Variants in FAM228B observed in about 807,000 individuals in gnomAD.
FAM228B encodes the protein protein FAM228B.
FAM228B carries 38 observed loss-of-function variants against 42.6 expected under a neutral mutation model. That is an observed-to-expected ratio of 0.89 (90% CI 0.69 to 1.17). FAM228B has a LOEUF of 1.17. Among genes scored for constraint, FAM228B ranks in the 50% most tolerant of loss-of-function variants. The pLI is 0.00. For missense variants in FAM228B, 344 were observed against 367.3 expected (o/e 0.94, Z 0.52); for synonymous variants, 109 against 122.3 (o/e 0.89, Z 0.72).
intron 2 of FAM228B, among the ~76,000 whole-genome samples, chr2:24,124,987 C>G (rs1039216681): frequency 2.0e-5 from 3 of 152,204 alleles, no homozygotes; most frequent in East Asian, 3.8e-4. Flanking sequence ...TAGCTGTGAG[C>G]CCTTGCGCCC....
intron 2 of FAM228B, among the ~76,000 whole-genome samples, chr2:24,133,642 C>T (rs924742627): frequency 5.3e-5 from 8 of 152,154 alleles, no homozygotes; most frequent in Non-Finnish European, 1.2e-4. Flanking sequence ...AATTGTGGAA[C>T]ATTTGTTATA....
Position 24,164,355 on chromosome 2 carries a change from C to T in FAM228B, c.932+20C>T. On this transcript the variant is annotated intron_variant, in intron 9 of 10. Transcript: ENST00000615575. Reference sequence around the variant, plus strand: ...GGATGGGTAAGAGCTGGGGCTGTCCCATTTCATCATACATAAGGTGGCAAT... The same window carrying T: ...GGATGGGTAAGAGCTGGGGCTGTCCTATTTCATCATACATAAGGTGGCAAT... 6.5e-7 allele frequency: 1 copy of T among 1,541,958 alleles called. No homozygotes were observed. Among genetic ancestry groups the T allele is most frequent in the Non-Finnish European group, 8.8e-7 (1 of 1,142,626 alleles).
chr2:24,091,667 T>C (rs191613231), intron 2 of FAM228B, among the ~76,000 whole-genome samples: 3 of 152,148 alleles, frequency 2.0e-5, no homozygotes, highest in Admixed American at 6.5e-5. Context: ...TGTAAAAGCA[T>C]AAGGAATGTA....
chr2:24,134,678 C>T (rs1287693065), intron 2 of FAM228B, among the ~76,000 whole-genome samples: 2 of 152,190 alleles, frequency 1.3e-5, no homozygotes, highest in Admixed American at 6.5e-5. Flanking sequence ...GGGCTGGGCA[C>T]AGTGGCTCAG....
chr2:24,118,839 A>G (rs886633698), upstream of FAM228B, among the ~76,000 whole-genome samples: 2 of 152,226 alleles, frequency 1.3e-5, no homozygotes, highest in African/African-American at 4.8e-5. Context: ...GAATGAATGA[A>G]TGAATGAATG....
intron 2 of FAM228B, among the ~76,000 whole-genome samples, chr2:24,091,769 T>C (rs986169207): frequency 2.6e-5 from 4 of 152,196 alleles, no homozygotes; most frequent in Non-Finnish European, 5.9e-5. Flanking sequence ...AACAGTACCA[T>C]GTTTTTAGAT....
At chr2:24,133,194 G>A (rs1462482828) in intron 2 of FAM228B, among the ~76,000 whole-genome samples, 1 of 151,552 alleles carries the variant, frequency 6.6e-6, no homozygotes, top group Non-Finnish European at 1.5e-5. Flanking sequence ...TTTTTTTCTT[G>A]GTGTTGAATA....
At chr2:24,109,201 A>T in intron 3 of FAM228B, among the ~76,000 whole-genome samples, 1 of 149,578 alleles carries the variant, frequency 6.7e-6, no homozygotes, top group South Asian at 2.1e-4. Context: ...AATGGAAAGT[A>T]CTCCTTATTC....
intron 3 of FAM228B, chr2:24,115,692 C>T (rs1468811003): frequency 1.5e-5 from 22 of 1,484,922 alleles, no homozygotes; most frequent in Non-Finnish European, 1.9e-5. Flanking sequence ...TTTATTATTC[C>T]ACAAACATTG....
upstream of FAM228B, chr2:24,119,582 C>T: frequency 6.2e-7 from 1 of 1,612,772 alleles, no homozygotes; most frequent in Non-Finnish European, 8.5e-7. Context: ...CTTACCCAGG[C>T]TCTCTGTGGC....
intron 10 of FAM228B, among the ~76,000 whole-genome samples, chr2:24,168,783 A>G (rs1174268475): frequency 6.6e-6 from 1 of 152,116 alleles, no homozygotes; most frequent in Non-Finnish European, 1.5e-5. Flanking sequence ...GTCCTTCCAC[A>G]GGTGAGGAGG....
At chr2:24,145,409 C>T (rs762103021) in intron 5 of FAM228B, among the ~76,000 whole-genome samples, 1 of 152,172 alleles carries the variant, frequency 6.6e-6, no homozygotes, top group Non-Finnish European at 1.5e-5. Context: ...TACTGTTGCA[C>T]GCACCCAGGA....
At chr2:24,143,384 T>C (rs111928594) in intron 5 of FAM228B, among the ~76,000 whole-genome samples, 19,463 of 152,138 alleles carry the variant, frequency 0.13, 1,342 homozygotes, top group Middle Eastern at 0.16. Context: ...TCAGTAGAGA[T>C]GGGGTTTCAT....
chr2:24,154,826 A>AT (rs1667098960), intron 7 of FAM228B, among the ~76,000 whole-genome samples: 1 of 152,174 alleles, frequency 6.6e-6, no homozygotes, highest in Non-Finnish European at 1.5e-5. Context: ...GAGCACCATT[A>AT]TTTCTAGAGC....
intron 2 of FAM228B, among the ~76,000 whole-genome samples, chr2:24,090,876 G>C (rs1019026441): frequency 1.3e-5 from 2 of 152,068 alleles, no homozygotes; most frequent in Non-Finnish European, 2.9e-5. Flanking sequence ...CTGCAGCCTT[G>C]ATATGGCTCA....
At chr2:24,120,633 G>A (rs939901377), upstream of FAM228B, among the ~76,000 whole-genome samples, 3 of 151,862 alleles carry the variant, frequency 2.0e-5, no homozygotes, top group Non-Finnish European at 4.4e-5. Context: ...TCGGCTCACT[G>A]CAACCTCTGC....
At chr2:24,118,179 C>T (rs912266694) in intron 3 of FAM228B, among the ~76,000 whole-genome samples, 4 of 152,184 alleles carry the variant, frequency 2.6e-5, no homozygotes, top group Admixed American at 6.5e-5. Context: ...ATCTCATATT[C>T]TGGTTATTTT....
intron 2 of FAM228B, among the ~76,000 whole-genome samples, chr2:24,093,475 A>G (rs945697057): frequency 6.6e-6 from 1 of 152,216 alleles, no homozygotes; most frequent in Admixed American, 6.5e-5. Context: ...TGCAAAGGAC[A>G]TGAACTCACT....
intron 3 of FAM228B, chr2:24,115,702 G>T (rs929818464): frequency 1.4e-6 from 2 of 1,406,674 alleles, no homozygotes; most frequent in Non-Finnish European, 2.0e-6. Flanking sequence ...CACAAACATT[G>T]CCAGGTGACT....
Sources: gnomAD v4.1 joint callset for allele counts (sites outside exome capture counted in the v4.1 genomes callset) on GRCh38, gnomAD v4.1.1 for gene constraint, MANE v1.5 for transcripts, NCBI Gene and HGNC (gene_info 2026-07-23, HGNC 2026-07-21) for gene names.